GPC5: variants seen among roughly 807,000 people sequenced by gnomAD.
GPC5 encodes glypican 5, also known as glypican-5.
A neutral mutation model predicts 53.9 loss-of-function variants in GPC5; 47 were observed. The observed-to-expected ratio is 0.87, with a 90% confidence interval of 0.69 to 1.11. The LOEUF (loss-of-function observed/expected upper bound fraction) is 1.11. GPC5 is among the 50% of genes most tolerant of loss of function. The pLI is 0.00. For synonymous variants in GPC5, 286 were observed against 263.3 expected (o/e 1.09, Z -0.84); for missense variants, 748 against 713.1 (o/e 1.05, Z -0.56).
chr13:91,758,431 AT>A (rs2037340954), intron 5 of GPC5, among the ~76,000 whole-genome samples: 1 of 152,124 alleles, frequency 6.6e-6, no homozygotes, highest in African/African-American at 2.4e-5. Flanking sequence ...GAATTATATT[AT>A]CTGAATCTAC....
At chr13:92,270,864 T>C (rs2042834868) in intron 7 of GPC5, among the ~76,000 whole-genome samples, 1 of 152,208 alleles carries the variant, frequency 6.6e-6, no homozygotes, top group Non-Finnish European at 1.5e-5. Flanking sequence ...ATAACAGCCT[T>C]GGATCTCTTC....
chr13:91,819,578 T>C (rs539760881), intron 5 of GPC5, among the ~76,000 whole-genome samples: 4 of 152,362 alleles, frequency 2.6e-5, no homozygotes, highest in African/African-American at 9.6e-5. Flanking sequence ...TCTATATTAT[T>C]GCGTACAGCT....
At chr13:92,260,352 T>C (rs973924914) in intron 7 of GPC5, among the ~76,000 whole-genome samples, 5 of 152,208 alleles carry the variant, frequency 3.3e-5, no homozygotes, top group African/African-American at 4.8e-5. Context: ...CTTTGGAATA[T>C]AGCATCTCTC....
intron 7 of GPC5, among the ~76,000 whole-genome samples, chr13:92,326,903 C>T (rs1044259545): frequency 2.0e-5 from 3 of 152,046 alleles, no homozygotes; most frequent in Non-Finnish European, 4.4e-5. Context: ...CCTTACTAGC[C>T]GTAAACATTT....
intron 7 of GPC5, among the ~76,000 whole-genome samples, chr13:92,271,767 G>A (rs1310176030): frequency 6.6e-6 from 1 of 152,146 alleles, no homozygotes; most frequent in East Asian, 1.9e-4. Context: ...GTTCAGCAAT[G>A]CTTAGTGTAT....
chr13:92,506,364 A>T (rs1463125436), intron 7 of GPC5, among the ~76,000 whole-genome samples: 1 of 152,160 alleles, frequency 6.6e-6, no homozygotes, highest in African/African-American at 2.4e-5. Context: ...TAAAAGTTTG[A>T]TTAGAAATAA....
chr13:92,575,543 G>A (rs926449014), intron 7 of GPC5, among the ~76,000 whole-genome samples: 2 of 152,084 alleles, frequency 1.3e-5, no homozygotes, highest in Non-Finnish European at 2.9e-5. Context: ...GCGCGAGAAT[G>A]CATTTCAGTT....
At chr13:91,666,133 G>A (rs894238533) in intron 2 of GPC5, among the ~76,000 whole-genome samples, 2 of 152,126 alleles carry the variant, frequency 1.3e-5, no homozygotes, top group South Asian at 2.1e-4. Context: ...CTATATAAGG[G>A]CCTTTAAACT....
At chr13:91,575,386 T>C (rs192837857) in intron 2 of GPC5, among the ~76,000 whole-genome samples, 1 of 152,280 alleles carries the variant, frequency 6.6e-6, no homozygotes, top group Admixed American at 6.5e-5. Flanking sequence ...TTATTGCTAA[T>C]TGATACTTTG....
At chr13:91,442,822 C>T (rs2029995305) in intron 1 of GPC5, among the ~76,000 whole-genome samples, 1 of 152,188 alleles carries the variant, frequency 6.6e-6, no homozygotes, top group Admixed American at 6.5e-5. Context: ...CTATATCCAT[C>T]AGTTCCTTGG....
chr13:92,079,869 G>A (rs867781519), intron 6 of GPC5, among the ~76,000 whole-genome samples: 9 of 152,154 alleles, frequency 5.9e-5, no homozygotes, highest in Middle Eastern at 3.4e-3. Context: ...TGCATCTCCC[G>A]GTCAGTGTGC....
chr13:92,549,605 A>C (rs892670268), intron 7 of GPC5, among the ~76,000 whole-genome samples: 1 of 152,036 alleles, frequency 6.6e-6, no homozygotes, highest in African/African-American at 2.4e-5. Context: ...GCCATCATGC[A>C]CTGGTATATA....
intron 7 of GPC5, among the ~76,000 whole-genome samples, chr13:92,285,144 C>T (rs1044527910): frequency 6.6e-6 from 1 of 152,190 alleles, no homozygotes; most frequent in Non-Finnish European, 1.5e-5. Flanking sequence ...TTCACAATTG[C>T]TTCAAAGAGA....
At chr13:92,758,292 T>C (rs1217926238) in intron 7 of GPC5, among the ~76,000 whole-genome samples, 1 of 138,580 alleles carries the variant, frequency 7.2e-6, no homozygotes, top group Non-Finnish European at 1.5e-5. Flanking sequence ...TGAGATCACA[T>C]GGACACAGGA....
chr13:91,907,597 T>A (rs548355008), intron 5 of GPC5, among the ~76,000 whole-genome samples: 1 of 149,126 alleles, frequency 6.7e-6, no homozygotes, highest in African/African-American at 2.5e-5. Context: ...TCAGACAATA[T>A]GAGTGTGGAC....
At chr13:92,654,186 T>C (rs1886052080) in intron 7 of GPC5, among the ~76,000 whole-genome samples, 1 of 152,240 alleles carries the variant, frequency 6.6e-6, no homozygotes, top group Non-Finnish European at 1.5e-5. Flanking sequence ...ATATTGTGAA[T>C]GAATACCCTT....
intron 5 of GPC5, among the ~76,000 whole-genome samples, chr13:91,833,305 T>A (rs1402508753): frequency 1.3e-5 from 2 of 152,178 alleles, no homozygotes. Flanking sequence ...AGCCGAATTC[T>A]ACCAGAGGTA....
intron 7 of GPC5, among the ~76,000 whole-genome samples, chr13:92,197,076 C>G (rs1487024814): frequency 6.6e-6 from 1 of 152,144 alleles, no homozygotes; most frequent in African/African-American, 2.4e-5. Context: ...TGGGGGATAG[C>G]AACTCTAACA....
intron 7 of GPC5, among the ~76,000 whole-genome samples, chr13:92,761,829 G>T (rs1391964886): frequency 6.6e-6 from 1 of 151,924 alleles, no homozygotes; most frequent in Non-Finnish European, 1.5e-5. Context: ...CCGAGATTTG[G>T]TTATCTTCTA....
Sources: allele counts gnomAD v4.1 joint callset (sites outside exome capture counted in the v4.1 genomes callset), GRCh38; gene constraint gnomAD v4.1.1; transcripts MANE v1.5; gene names NCBI Gene and HGNC (gene_info 2026-07-23, HGNC 2026-07-21).